The following LIMD1 variants were observed in gnomAD, a reference collection of about 807,000 sequenced individuals.
LIMD1 encodes LIM domain-containing protein 1.
In LIMD1, 23 loss-of-function variants were observed where a neutral mutation model predicts 58.4. The ratio of observed to expected loss-of-function variants is 0.39; its 90% CI spans 0.28 to 0.56. The LOEUF is 0.56. Ranked by LOEUF, LIMD1 falls within the 20% of genes least tolerant of loss-of-function variation. The pLI is 0.57. For synonymous variants in LIMD1, 334 were observed against 345.5 expected (o/e 0.97, Z 0.37); for missense variants, 838 against 855.5 (o/e 0.98, Z 0.25).
intron 1 of LIMD1, among the ~76,000 whole-genome samples, chr3:45,600,751 C>T (rs1468920021): frequency 6.6e-6 from 1 of 152,192 alleles, no homozygotes; most frequent in Non-Finnish European, 1.5e-5. Context: ...CACACTGGTC[C>T]TCTTCTCCCT....
chr3:45,612,070 G>GCTCTCTCTCTCT (rs112847908), intron 1 of LIMD1, among the ~76,000 whole-genome samples: 7 of 144,840 alleles, frequency 4.8e-5, no homozygotes, highest in Admixed American at 2.1e-4. Flanking sequence ...GCAGGTGCGC[G>GCTCTCTCTCTCT]CTCTCTCTCT....
At chr3:45,647,568 G>A (rs554250480) in intron 2 of LIMD1, among the ~76,000 whole-genome samples, 1 of 152,326 alleles carries the variant, frequency 6.6e-6, no homozygotes, top group African/African-American at 2.4e-5. Context: ...GGTCACCATT[G>A]GTGGCATTTG....
At chr3:45,614,409 TAAAA>T (rs776301383) in intron 1 of LIMD1, among the ~76,000 whole-genome samples, 14 of 125,510 alleles carry the variant, frequency 1.1e-4, no homozygotes, top group African/African-American at 1.2e-4. Context: ...CACCTGTAGT[TAAAA>T]AAAAAAAAAA....
At chr3:45,642,090 G>A (rs1701848260) in intron 2 of LIMD1, among the ~76,000 whole-genome samples, 1 of 152,164 alleles carries the variant, frequency 6.6e-6, no homozygotes, top group South Asian at 2.1e-4. Flanking sequence ...CAGGCACCAT[G>A]GCAGGTTCCC....
At chr3:45,636,110 G>A (rs201715156) in intron 1 of LIMD1, 40 bp from the exon 2 acceptor site, 1 of 1,609,276 alleles carries the variant, frequency 6.2e-7, no homozygotes, top group Admixed American at 1.7e-5. Flanking sequence ...GTTTACACTG[G>A]TTCCCTCCTG....
At chr3:45,642,295 C>T (rs934400691) in intron 2 of LIMD1, among the ~76,000 whole-genome samples, 11 of 152,066 alleles carry the variant, frequency 7.2e-5, no homozygotes, top group South Asian at 2.1e-4. Flanking sequence ...CCTGCCTCAG[C>T]CTCCTGAGTA....
chr3:45,668,255 C>A (rs754354484), intron 3 of LIMD1, 39 bp from the exon 4 acceptor site: 4 of 1,543,366 alleles, frequency 2.6e-6, no homozygotes, highest in Admixed American at 3.4e-5. Flanking sequence ...ATTCATCTTA[C>A]CAGTCTGGGT....
rs1029002214 is a variant in LIMD1, at chr3:45,683,837, A to G, written c.*6778A>G. 5.9e-5 allele frequency: 9 copies of G among 152,112 alleles called. No individual in the cohort carries two copies. Among genetic ancestry groups the G allele is most frequent in the African/African-American group, 1.9e-4 (8 of 41,404 alleles). 9.4% of individuals were successfully genotyped at this position (152,112 alleles called of 1,614,324 possible). A position where few individuals can be genotyped will look rare whatever the true frequency, so the allele number is the denominator to read the frequency against. The stretch of plus-strand genomic sequence containing the variant: ...TTTACTTGCTTTGTGCGTTTTGTCC[A>G]TTTCTTTATCAAGACGCCAAGAACC... On this transcript the variant is annotated 3_prime_UTR_variant, in exon 8 of 8. Coordinates refer to ENST00000273317, the MANE Select transcript of LIMD1 (RefSeq NM_014240.3).
intron 1 of LIMD1, among the ~76,000 whole-genome samples, chr3:45,614,372 A>G (rs1223028917): frequency 1.3e-5 from 2 of 151,136 alleles, no homozygotes; most frequent in African/African-American, 2.4e-5. Flanking sequence ...CAACAAATAT[A>G]AAAAATTAGC....
In LIMD1 at chr3:45,677,114, C is replaced by T. The variant is rs985026067; in HGVS notation, c.*55C>T. ...GGATGAGGAGCCGGGGTTGCTGCTGCTGCTTCCGGTGGCCCCTGGGGTGGA... is the reference window on the plus strand; with the variant it reads ...GGATGAGGAGCCGGGGTTGCTGCTGTTGCTTCCGGTGGCCCCTGGGGTGGA... On this transcript the variant is annotated 3_prime_UTR_variant, in exon 8 of 8. Transcript: ENST00000273317. The T allele has an allele frequency of 4.4e-6, 7 of 1,589,282 alleles. No homozygotes were observed. The South Asian group carries it at 6.7e-5, about 15-fold the overall frequency.
intron 2 of LIMD1, among the ~76,000 whole-genome samples, chr3:45,649,830 G>A (rs1426366520): frequency 9.7e-6 from 1 of 103,042 alleles, no homozygotes; most frequent in African/African-American, 4.1e-5. Flanking sequence ...ACTTTTTTGA[G>A]TTCCTTGAAG....
chr3:45,626,910 A>G (rs1701672053), intron 1 of LIMD1, among the ~76,000 whole-genome samples: 1 of 152,066 alleles, frequency 6.6e-6, no homozygotes, highest in Non-Finnish European at 1.5e-5. Flanking sequence ...AAAAAAAAGT[A>G]AATTCATTGA....
intron 7 of LIMD1, 161 bp downstream of exon 7, chr3:45,674,572 TAGG>T: frequency 1.6e-6 from 1 of 606,580 alleles, no homozygotes; most frequent in South Asian, 2.0e-5. Context: ...TTGGGGGAGG[TAGG>T]AGAAGATGGA....
intron 1 of LIMD1, among the ~76,000 whole-genome samples, chr3:45,613,608 T>C (rs1189319998): frequency 5.3e-5 from 8 of 151,586 alleles, no homozygotes; most frequent in African/African-American, 1.9e-4. Context: ...TTTTTGGCTA[T>C]TATGAATAAG....
chr3:45,663,960 T>A (rs1294610440), intron 2 of LIMD1, among the ~76,000 whole-genome samples: 1 of 146,890 alleles, frequency 6.8e-6, no homozygotes, highest in Non-Finnish European at 1.5e-5. Flanking sequence ...AACCTCCGCC[T>A]CCTAGGTGCA....
At chr3:45,654,647 G>T (rs942409434) in intron 2 of LIMD1, among the ~76,000 whole-genome samples, 8 of 151,604 alleles carry the variant, frequency 5.3e-5, no homozygotes, top group Middle Eastern at 3.2e-3. Context: ...TGGGCAACAT[G>T]GTGAAACCCC....
chr3:45,673,598 C>A, intron 6 of LIMD1, 93 bp downstream of exon 6: 2 of 1,055,014 alleles, frequency 1.9e-6, no homozygotes, highest in Non-Finnish European at 1.5e-6. Flanking sequence ...GTCCTTACAG[C>A]TTTTAAGGTA....
intron 3 of LIMD1, 106 bp from the exon 4 acceptor site, chr3:45,668,188 T>G (rs1231032306): frequency 4.9e-6 from 4 of 816,006 alleles, no homozygotes; most frequent in Non-Finnish European, 6.0e-6. Flanking sequence ...CTGCACAGAG[T>G]GACACATCTT....
chr3:45,631,396 C>T (rs1192200534), intron 1 of LIMD1, among the ~76,000 whole-genome samples: 4 of 151,980 alleles, frequency 2.6e-5, no homozygotes, highest in Non-Finnish European at 5.9e-5. Flanking sequence ...TTTTCCCTAC[C>T]TTTTCTGTGT....
Sources: gnomAD v4.1 joint callset for allele counts (sites outside exome capture counted in the v4.1 genomes callset) on GRCh38, gnomAD v4.1.1 for gene constraint, MANE v1.5 for transcripts, NCBI Gene and HGNC (gene_info 2026-07-23, HGNC 2026-07-21) for gene names.